Variants in TJP1 observed in about 807,000 individuals in gnomAD.
TJP1 encodes tight junction protein 1.
Under a neutral mutation model 194.2 loss-of-function variants are expected in TJP1, and 43 were observed. That is an observed-to-expected ratio of 0.22 (90% CI 0.17 to 0.29). The LOEUF is 0.29. Ranked by LOEUF, TJP1 falls within the 10% of genes least tolerant of loss-of-function variation. The pLI is 1.00. For synonymous variants in TJP1, 801 were observed against 779.0 expected, an observed-to-expected ratio of 1.03 and a Z score of -0.47; for missense variants, 1,971 against 2,185.7, an observed-to-expected ratio of 0.90 and a Z score of 1.96.
At chr15:29,828,397 AC>A (rs201353219) in intron 2 of TJP1, among the ~76,000 whole-genome samples, 155 of 152,092 alleles carry the variant, frequency 1.0e-3, no homozygotes, top group Admixed American at 9.2e-4. Context: ...CACAACAACA[AC>A]AAAAAAATAT....
chr15:29,920,215 G>A (rs79555982), intron 2 of TJP1, among the ~76,000 whole-genome samples: 3,055 of 152,294 alleles, frequency 0.02, 63 homozygotes, highest in South Asian at 0.029. Context: ...AAAACCAAAC[G>A]TAAACATGTT....
At chr15:29,939,237 T>A (rs997046700) in intron 2 of TJP1, among the ~76,000 whole-genome samples, 9 of 152,186 alleles carry the variant, frequency 5.9e-5, no homozygotes, top group Non-Finnish European at 1.3e-4. Context: ...TCAACTCTAC[T>A]TTCCTGGTAA....
chr15:29,713,392 GGAACT>G (rs2151067197), intron 23 of TJP1, among the ~76,000 whole-genome samples: 1 of 152,264 alleles, frequency 6.6e-6, no homozygotes, highest in African/African-American at 2.4e-5. Context: ...CCAGCTCTAT[GGAACT>G]GTTAGACTGG....
intron 2 of TJP1, among the ~76,000 whole-genome samples, chr15:29,920,402 G>C (rs2054319387): frequency 6.6e-6 from 1 of 152,184 alleles, no homozygotes; most frequent in Non-Finnish European, 1.5e-5. Context: ...ACAGGCACTA[G>C]AACTTGGTTA....
rs1012902590 is a variant in TJP1 at position 29,800,610 on chromosome 15, G to A, written c.84+36C>T. On this transcript the variant is annotated intron_variant, in intron 2 of 27. Coordinates refer to ENST00000614355, the MANE Select transcript of TJP1 (RefSeq NM_001330239.4). ...GTTTTCAAAGCTGCCAGTATCCTGA[G>A]TTATACACAGATTACTTACTGCAAC... 3.7e-6 allele frequency: 6 copies of A among 1,608,848 alleles called. No individual in the cohort carries two copies. The African/African-American group carries it at 6.7e-5, about 18-fold the overall frequency.
chr15:29,759,974 T>C (rs2045895265), intron 8 of TJP1: 2 of 472,226 alleles, frequency 4.2e-6, no homozygotes, highest in Non-Finnish European at 7.4e-6. Flanking sequence ...TTTGGATATG[T>C]ACCCAGAAGT....
intron 2 of TJP1, among the ~76,000 whole-genome samples, chr15:29,886,068 T>C (rs1485824530): frequency 2.6e-5 from 4 of 152,232 alleles, no homozygotes; most frequent in Admixed American, 1.3e-4. Context: ...TCATCTATAA[T>C]CCAGGCTATG....
intron 2 of TJP1, among the ~76,000 whole-genome samples, chr15:29,900,914 G>A (rs570658965): frequency 2.6e-4 from 40 of 152,280 alleles, no homozygotes; most frequent in African/African-American, 8.9e-4. Flanking sequence ...CCACAGAAAT[G>A]AGTAGAAGAT....
intron 9 of TJP1, 43 bp from the exon 10 acceptor site, chr15:29,741,479 TG>T (rs767870267): frequency 3.7e-6 from 5 of 1,368,454 alleles, no homozygotes; most frequent in Non-Finnish European, 4.1e-6. Flanking sequence ...TAGAAAAACA[TG>T]GAATAATAAT....
chr15:29,741,175 T>C (rs1595713845), intron 10 of TJP1, 156 bp downstream of exon 10: 1 of 591,938 alleles, frequency 1.7e-6, no homozygotes. Flanking sequence ...CACTATCATA[T>C]ATAAGTAGCA....
intron 2 of TJP1, among the ~76,000 whole-genome samples, chr15:29,914,548 G>A (rs2054123153): frequency 6.6e-6 from 1 of 152,076 alleles, no homozygotes; most frequent in African/African-American, 2.4e-5. Flanking sequence ...AAGTGATCAG[G>A]GCAGGGCAAG....
chr15:29,755,445 C>T (rs1338028209), intron 8 of TJP1, among the ~76,000 whole-genome samples: 1 of 152,104 alleles, frequency 6.6e-6, no homozygotes, highest in Admixed American at 6.6e-5. Flanking sequence ...CTTAACTTGG[C>T]CAAACGTGAA....
chr15:29,804,128 A>T (rs1452666374), intron 1 of TJP1, among the ~76,000 whole-genome samples: 1 of 152,144 alleles, frequency 6.6e-6, no homozygotes, highest in Non-Finnish European at 1.5e-5. Context: ...CTTCTGTGGC[A>T]AAAGTAGCAA....
rs567354510 is a variant in TJP1, at chr15:29,719,740, A to T, written c.3003+37T>A. The stretch of plus-strand genomic sequence containing the variant: ...AAATGATCATGTGCCAGATTGATGG[A>T]CAGCAACAAATTAGTGCAACACCGC... On this transcript the variant is annotated intron_variant, in intron 20 of 27. Coordinates refer to ENST00000614355, the MANE Select transcript of TJP1 (RefSeq NM_001330239.4). The T allele has an allele frequency of 3.2e-5, 51 of 1,585,428 alleles. No homozygotes were observed. In the South Asian group the frequency reaches 5.3e-4, roughly 17 times the overall value.
intron 2 of TJP1, among the ~76,000 whole-genome samples, chr15:29,829,612 G>C (rs2050774644): frequency 6.9e-6 from 1 of 144,626 alleles, no homozygotes; most frequent in African/African-American, 2.6e-5. Flanking sequence ...GGCAGGGAGT[G>C]CCAAATTCAT....
intron 2 of TJP1, among the ~76,000 whole-genome samples, chr15:29,791,084 T>C (rs919695920): frequency 2.0e-5 from 3 of 151,084 alleles, no homozygotes; most frequent in African/African-American, 7.3e-5. Flanking sequence ...TGGAGTGCAA[T>C]GGCGCGATTT....
At chr15:29,967,392 G>A (rs1411487428) in intron 1 of TJP1, among the ~76,000 whole-genome samples, 2 of 151,918 alleles carry the variant, frequency 1.3e-5, no homozygotes, top group African/African-American at 4.8e-5. Flanking sequence ...CAAACTGGTG[G>A]GGGCAGAAAG....
chr15:29,794,537 A>C (rs559964690), intron 2 of TJP1, among the ~76,000 whole-genome samples: 121 of 152,310 alleles, frequency 7.9e-4, no homozygotes, highest in African/African-American at 2.9e-3. Context: ...GGTCAGAAAA[A>C]TCAGATTCTG....
chr15:29,902,843 G>C (rs529123797), intron 2 of TJP1, among the ~76,000 whole-genome samples: 1 of 152,236 alleles, frequency 6.6e-6, no homozygotes, highest in South Asian at 2.1e-4. Flanking sequence ...AGACCATCCT[G>C]GCCAACACGG....
Sources: gnomAD v4.1 joint callset for allele counts (sites outside exome capture counted in the v4.1 genomes callset) on GRCh38, gnomAD v4.1.1 for gene constraint, MANE v1.5 for transcripts, NCBI Gene and HGNC (gene_info 2026-07-23, HGNC 2026-07-21) for gene names.